FBXL17: variants seen among roughly 807,000 people sequenced by gnomAD.
FBXL17 encodes the protein F-box and leucine rich repeat protein 17.
Under a neutral mutation model 66.2 loss-of-function variants are expected in FBXL17, and 22 were observed. The ratio of observed to expected loss-of-function variants is 0.33; its 90% CI spans 0.24 to 0.47. The LOEUF is 0.47. FBXL17 is among the 20% of genes least tolerant of loss of function. The probability of loss-of-function intolerance (pLI) is 1.00; values close to 1 mark genes in which losing one functional copy is unlikely to be tolerated. For missense variants in FBXL17, 878 were observed against 948.2 expected, an observed-to-expected ratio of 0.93 and a Z score of 0.97; for synonymous variants, 474 against 400.5, an observed-to-expected ratio of 1.18 and a Z score of -2.19.
At position 108,121,419 on chromosome 5, in the gene FBXL17, CA is replaced by C. The variant is rs1750493280; in HGVS notation, c.1745+64697del. On this transcript the variant is annotated intron_variant, in intron 6 of 8. Coordinates refer to ENST00000542267, the MANE Select transcript of FBXL17 (RefSeq NM_001163315.3). ...GAAGCACACATTTATATGCTCTACA[CA>C]CAAAGTCTTGACAAAAATGTAAAGC... Among the ~76,000 whole-genome samples, 5 of 152,220 alleles carry C rather than the reference CA, an allele frequency of 3.3e-5. No individual in the cohort carries two copies. The South Asian group carries it at 1.0e-3, about 32-fold the overall frequency.
At chr5:107,956,338 G>A (rs967562175) in intron 7 of FBXL17, among the ~76,000 whole-genome samples, 3 of 152,146 alleles carry the variant, frequency 2.0e-5, no homozygotes, top group African/African-American at 7.2e-5. Context: ...GTTCCAAGGT[G>A]TTTATTTTGC....
intron 4 of FBXL17, chr5:108,297,710 CA>C: frequency 2.2e-6 from 1 of 455,468 alleles, no homozygotes; most frequent in Non-Finnish European, 2.9e-6. Context: ...TTCAGTACTA[CA>C]AAAAACATTA....
chr5:107,930,663 G>C (rs1750698685), intron 7 of FBXL17, among the ~76,000 whole-genome samples: 1 of 152,164 alleles, frequency 6.6e-6, no homozygotes, highest in East Asian at 1.9e-4. Flanking sequence ...TTAAATGGAA[G>C]AACACAAAAG....
intron 5 of FBXL17, among the ~76,000 whole-genome samples, chr5:108,215,245 T>C (rs1754549836): frequency 6.6e-6 from 1 of 152,226 alleles, no homozygotes; most frequent in African/African-American, 2.4e-5. Flanking sequence ...AATTTCTGGA[T>C]CATATGGTAA....
chr5:108,022,439 G>T (rs571271144), intron 6 of FBXL17, among the ~76,000 whole-genome samples: 2 of 151,722 alleles, frequency 1.3e-5, no homozygotes, highest in African/African-American at 2.4e-5. Context: ...ATTTTTACAC[G>T]CTAAGAGTAC....
At chr5:108,130,617 C>A (rs146070875) in intron 6 of FBXL17, among the ~76,000 whole-genome samples, 2,210 of 152,116 alleles carry the variant, frequency 0.015, 23 homozygotes, top group Middle Eastern at 0.075. Flanking sequence ...CAAACCAATT[C>A]TTTTCCAATG....
intron 6 of FBXL17, among the ~76,000 whole-genome samples, chr5:108,152,200 A>C (rs1307401073): frequency 6.6e-6 from 1 of 152,242 alleles, no homozygotes; most frequent in East Asian, 1.9e-4. Flanking sequence ...ATAATAATTT[A>C]GTACAATATT....
intron 6 of FBXL17, among the ~76,000 whole-genome samples, chr5:108,128,693 C>A (rs531892088): frequency 6.6e-6 from 1 of 152,108 alleles, no homozygotes; most frequent in East Asian, 1.9e-4. Context: ...ATGTGAAGAT[C>A]TACAGCACAA....
intron 3 of FBXL17, 134 bp from the exon 4 acceptor site, chr5:108,348,664 A>G: frequency 5.6e-6 from 5 of 899,390 alleles, no homozygotes; most frequent in Non-Finnish European, 8.2e-6. Context: ...AATAAGATAG[A>G]ATGTAAGCAA....
intron 6 of FBXL17, among the ~76,000 whole-genome samples, chr5:108,033,034 T>C (rs1289461026): frequency 6.6e-6 from 1 of 152,194 alleles, no homozygotes; most frequent in Admixed American, 6.5e-5. Context: ...CCAAAAGGTA[T>C]GTATTTAAAA....
At chr5:107,958,954 A>G (rs1257880707) in intron 7 of FBXL17, among the ~76,000 whole-genome samples, 4 of 152,214 alleles carry the variant, frequency 2.6e-5, no homozygotes, top group Non-Finnish European at 5.9e-5. Flanking sequence ...TTAAAATGTC[A>G]AGTATGGTCA....
At chr5:108,041,175 A>G (rs970986849) in intron 6 of FBXL17, among the ~76,000 whole-genome samples, 16 of 152,318 alleles carry the variant, frequency 1.1e-4, no homozygotes, top group African/African-American at 3.8e-4. Context: ...CTTCTAAATC[A>G]GAAAATACAT....
chr5:108,297,371 G>T (rs989314015), intron 4 of FBXL17, among the ~76,000 whole-genome samples: 6 of 151,510 alleles, frequency 4.0e-5, no homozygotes, highest in Non-Finnish European at 7.4e-5. Context: ...AGTAATTAAG[G>T]AATTTAATTA....
At chr5:108,298,944 T>G (rs1758461707) in intron 4 of FBXL17, 1 of 948,256 alleles carries the variant, frequency 1.1e-6, no homozygotes, top group African/African-American at 1.8e-5. Context: ...TATTATTTAC[T>G]TTCAGTTTCA....
chr5:108,259,424 A>G (rs927485218), intron 4 of FBXL17, among the ~76,000 whole-genome samples: 41 of 152,224 alleles, frequency 2.7e-4, no homozygotes, highest in African/African-American at 9.6e-4. Context: ...TCCTCAATGT[A>G]GCTGTAGTGA....
At chr5:108,313,828 G>T (rs1298401258) in intron 4 of FBXL17, among the ~76,000 whole-genome samples, 1 of 151,640 alleles carries the variant, frequency 6.6e-6, no homozygotes, top group African/African-American at 2.4e-5. Context: ...AAACATTTTT[G>T]AACAATTAAT....
At chr5:107,870,280 T>C (rs2112486479) in intron 8 of FBXL17, among the ~76,000 whole-genome samples, 1 of 152,348 alleles carries the variant, frequency 6.6e-6, no homozygotes, top group East Asian at 1.9e-4. Context: ...ACCTCTGAGC[T>C]AGAGGTTCTG....
intron 4 of FBXL17, among the ~76,000 whole-genome samples, chr5:108,340,188 C>T (rs776808540): frequency 2.1e-4 from 32 of 149,206 alleles, no homozygotes; most frequent in Non-Finnish European, 4.0e-4. Flanking sequence ...TAAGAGGATA[C>T]GATCTAGCAA....
intron 4 of FBXL17, among the ~76,000 whole-genome samples, chr5:108,268,491 G>A (rs1757134218): frequency 6.6e-6 from 1 of 151,910 alleles, no homozygotes; most frequent in Non-Finnish European, 1.5e-5. Context: ...TTTCTTCTGA[G>A]ATGCATCAGT....
Sources: gnomAD v4.1 joint callset for allele counts (sites outside exome capture counted in the v4.1 genomes callset) on GRCh38, gnomAD v4.1.1 for gene constraint, MANE v1.5 for transcripts, NCBI Gene and HGNC (gene_info 2026-07-23, HGNC 2026-07-21) for gene names.